Variants in SPON2 observed in about 807,000 individuals in gnomAD.
SPON2 encodes spondin-2.
SPON2 carries 32 observed loss-of-function variants against 29.9 expected under a neutral mutation model. The ratio of observed to expected loss-of-function variants is 1.07; its 90% CI spans 0.81 to 1.44. SPON2 has a LOEUF of 1.44. SPON2 is among the 40% of genes most tolerant of loss of function. The pLI, the probability that SPON2 is intolerant of heterozygous loss-of-function variation, is 0.00. For missense variants in SPON2, 541 were observed against 455.5 expected (o/e 1.19, Z -1.71); for synonymous variants, 248 against 209.1 (o/e 1.19, Z -1.61).
chr4:1,188,386 C>G, intron 1 of SPON2, among the ~76,000 whole-genome samples: 1 of 151,996 alleles, frequency 6.6e-6, no homozygotes, highest in East Asian at 1.9e-4. Flanking sequence ...GTAGTGTCAA[C>G]TAAATGTTAA....
At chr4:1,195,045 G>GC (rs1163345399) in exon 1 of SPON2, 13 of 22,676 alleles carry the variant, frequency 5.7e-4, no homozygotes, top group East Asian at 1.4e-3. Flanking sequence ...GCAGCCGGCG[G>GC]CTCCAACCCC....
In SPON2 at chr4:1,185,497, C is replaced by T. The variant is rs555047799; in HGVS notation, c.-238-5956G>A. ...CTGAGGCGAGCGGATCACCTGAGGT[C>T]GGGAGTTCCACACCAGCCTGGCCAA... On this transcript the variant is annotated intron_variant, in intron 1 of 3. Transcript: ENST00000502483. Among the ~76,000 whole-genome samples the T allele has an allele frequency of 3.3e-4, 50 of 150,728 alleles. No homozygotes were observed. In the South Asian group the frequency reaches 9.3e-3, roughly 28 times the overall value.
Position 1,167,412 on chromosome 4 carries a change from C to CA in SPON2, c.*59dup. ...CTCGGCCGCCTGCAGCATGAGCCTG[C>CA]ACAGGAGCCCCCGACACCCCATGGC... On this transcript the variant is annotated 3_prime_UTR_variant, in exon 6 of 6. Transcript: ENST00000290902. 6.5e-7 allele frequency: 1 copy of CA among 1,545,430 alleles called. No homozygotes were observed. The highest frequency in any genetic ancestry group is 8.8e-7 in the Non-Finnish European group (1 of 1,137,782).
chr4:1,170,712 C>A (rs1365352102), intron 4 of SPON2, 136 bp from the exon 5 acceptor site: 3 of 1,151,208 alleles, frequency 2.6e-6, no homozygotes, highest in East Asian at 2.6e-5. Flanking sequence ...CCCATGTACT[C>A]CTCTCAGCCA....
At position 1,171,492 on chromosome 4, in the gene SPON2, G is replaced by A; in HGVS notation, c.221-6C>T. 6.2e-7 allele frequency: 1 copy of A among 1,606,086 alleles called. No individual in the cohort carries two copies. The highest frequency in any genetic ancestry group is 8.5e-7 in the Non-Finnish European group (1 of 1,175,060). ...GTCGGAGCTATGCGCGGCCCCTGCA[G>A]GACCACCCGGCCGCGCCGCGGACCA... On this transcript the variant is annotated splice_polypyrimidine_tract_variant and splice_region_variant and intron_variant, in intron 2 of 5. Coordinates refer to ENST00000290902, the MANE Select transcript of SPON2 (RefSeq NM_012445.4).
At chr4:1,193,710 GTGTA>G (rs1727964738) in intron 1 of SPON2, among the ~76,000 whole-genome samples, 1 of 30,920 alleles carries the variant, frequency 3.2e-5, no homozygotes, top group Non-Finnish European at 7.5e-5. Context: ...GACGTGGGGG[GTGTA>G]GGAAGGACAT....
chr4:1,201,733 T>C (rs895602574), intron 1 of SPON2, among the ~76,000 whole-genome samples: 2 of 151,984 alleles, frequency 1.3e-5, no homozygotes, highest in African/African-American at 2.4e-5. Flanking sequence ...CAGGCGCCGG[T>C]TGCCACGCCC....
upstream of SPON2, among the ~76,000 whole-genome samples, chr4:1,175,427 C>T (rs943760036): frequency 1.2e-4 from 19 of 152,386 alleles, no homozygotes; most frequent in Admixed American, 7.8e-4. Context: ...CTCATGCCGT[C>T]TCAGTGAGCT....
chr4:1,169,291 T>C (rs1289889311), intron 5 of SPON2, among the ~76,000 whole-genome samples: 1 of 152,062 alleles, frequency 6.6e-6, no homozygotes, highest in Non-Finnish European at 1.5e-5. Context: ...CACGTCTGCC[T>C]GTTGGGTAAG....
intron 1 of SPON2, among the ~76,000 whole-genome samples, chr4:1,190,228 A>G (rs1727886980): frequency 2.0e-5 from 3 of 151,510 alleles, no homozygotes; most frequent in South Asian, 4.2e-4. Context: ...AAACTGACTC[A>G]TGAAGACATA....
Position 1,202,230 on chromosome 4 carries a change from T to A in SPON2, c.-234+5650A>T, listed in dbSNP as rs1311193698. ...TCCACGATGGCCCTTGCACGTCGCA[T>A]CCTCACCGGCTGGAGGGTGGGTCTG... On this transcript the variant is annotated intron_variant, in intron 1 of 3. Transcript: ENST00000509233. The surrounding 1 kb of genome is among the most constrained non-coding windows in gnomAD (Gnocchi z 5.4). Among the ~76,000 whole-genome samples, 1 of 152,194 alleles carries A rather than the reference T, an allele frequency of 6.6e-6. No individual in the cohort carries two copies. The highest frequency in any genetic ancestry group is 2.4e-5 in the African/African-American group (1 of 41,444).
chr4:1,200,555 T>A (rs1237216307), intron 1 of SPON2: 1 of 336,386 alleles, frequency 3.0e-6, no homozygotes, highest in African/African-American at 2.2e-5. Flanking sequence ...GCAGGGAACG[T>A]GTAAACCATG....
At chr4:1,196,462 G>A (rs546986948), upstream of SPON2, among the ~76,000 whole-genome samples, 1 of 152,356 alleles carries the variant, frequency 6.6e-6, no homozygotes, top group African/African-American at 2.4e-5. Context: ...AAGACCCTGG[G>A]GGTCACACCA....
At chr4:1,200,983 C>T (rs561414974) in intron 1 of SPON2, 26 of 456,750 alleles carry the variant, frequency 5.7e-5, no homozygotes, top group South Asian at 9.3e-5. Flanking sequence ...GCCTTCTAGA[C>T]GGTTCTGGCC....
intron 5 of SPON2, among the ~76,000 whole-genome samples, chr4:1,169,191 C>T (rs1241911519): frequency 6.6e-6 from 1 of 152,056 alleles, no homozygotes; most frequent in African/African-American, 2.4e-5. Context: ...CCCAGTGCCC[C>T]CAAATGTGGG....
upstream of SPON2, among the ~76,000 whole-genome samples, chr4:1,197,723 TC>T (rs1364158643): frequency 6.6e-6 from 1 of 152,014 alleles, no homozygotes; most frequent in Non-Finnish European, 1.5e-5. Context: ...TAAAATAAAA[TC>T]CCCTTGCCCA....
chr4:1,206,458 G>A (rs1208615622), intron 1 of SPON2, among the ~76,000 whole-genome samples: 1 of 152,254 alleles, frequency 6.6e-6, no homozygotes, highest in Non-Finnish European at 1.5e-5. Context: ...GCCACGCTGT[G>A]ACAGACGAGA....
chr4:1,180,876 A>G (rs1329330854), intron 1 of SPON2, among the ~76,000 whole-genome samples: 1 of 152,228 alleles, frequency 6.6e-6, no homozygotes, highest in Admixed American at 6.5e-5. Context: ...TGACTCAGAG[A>G]CCTGTGTGAC....
rs1728202891 is a variant in SPON2, at chr4:1,201,469, G to A, written c.-234+6411C>T. On this transcript the variant is annotated intron_variant, in intron 1 of 3. Coordinates refer to the SPON2 transcript ENST00000509233. ...CGCAGGGAGGGAGGAGGCCCTGAGA[G>A]AGAAGGTGCCGTTACATGCACGTGA... 1.6e-5 allele frequency: 3 copies of A among 189,900 alleles called. No individual in the cohort carries two copies. In the South Asian group the frequency reaches 2.5e-4, roughly 16 times the overall value. The allele number at this position is 189,900 out of a possible 1,614,324, so 11.8% of individuals were successfully genotyped here.
Sources: allele counts gnomAD v4.1 joint callset (sites outside exome capture counted in the v4.1 genomes callset), GRCh38; gene constraint gnomAD v4.1.1; non-coding constraint Gnocchi (gnomAD v3.1); transcripts MANE v1.5; gene names NCBI Gene and HGNC (gene_info 2026-07-23, HGNC 2026-07-21).